WDR3: variants seen among roughly 807,000 people sequenced by gnomAD.
WDR3 encodes the protein WD repeat-containing protein 3.
Under a neutral mutation model 123.7 loss-of-function variants are expected in WDR3, and 81 were observed. The observed-to-expected ratio is 0.65, with a 90% CI of 0.55 to 0.79. The LOEUF is 0.79. Ranked by LOEUF, WDR3 falls within the 30% of genes least tolerant of loss-of-function variation. The pLI, the probability that WDR3 is intolerant of heterozygous loss-of-function variation, is 0.00. For synonymous variants in WDR3, 390 were observed against 388.8 expected (o/e 1.00, Z -0.04); for missense variants, 1,027 against 1,123.2 (o/e 0.91, Z 1.22).
intron 8 of WDR3, among the ~76,000 whole-genome samples, chr1:117,941,467 A>G (rs546956315): frequency 3.9e-5 from 6 of 152,296 alleles, no homozygotes; most frequent in African/African-American, 1.2e-4. Context: ...AATTGCAATT[A>G]CTTTTGTACC....
intron 17 of WDR3, 95 bp from the exon 18 acceptor site, chr1:117,952,202 C>G: frequency 1.4e-6 from 2 of 1,427,986 alleles, no homozygotes; most frequent in East Asian, 2.3e-5. Context: ...AGTCAGACAC[C>G]CTAGAACTAG....
intron 16 of WDR3, among the ~76,000 whole-genome samples, chr1:117,951,487 G>A (rs1007144297): frequency 6.9e-6 from 1 of 144,490 alleles, no homozygotes; most frequent in African/African-American, 2.5e-5. Context: ...ACAAAGTTAA[G>A]TTACAATGTT....
In WDR3 at chr1:117,944,822, C is replaced by T. The variant is rs77143983; in HGVS notation, c.1328+1196C>T. Among the ~76,000 whole-genome samples the T allele has an allele frequency of 5.6e-3, 849 of 152,224 alleles. 6 individuals are homozygous for T. The highest frequency in any genetic ancestry group is 0.033 in the East Asian group (172 of 5,176). On this transcript the variant is annotated intron_variant, in intron 11 of 26. Coordinates refer to ENST00000349139, the MANE Select transcript of WDR3 (RefSeq NM_006784.3). ...GTTCAAGTGGTTTTCCTGTGTCAGC[C>T]TCCCGAGTAGCTGGGATTACAGGCG...
intron 13 of WDR3, 87 bp from the exon 14 acceptor site, chr1:117,949,664 A>G: frequency 7.0e-7 from 1 of 1,429,040 alleles, no homozygotes; most frequent in South Asian, 1.3e-5. Context: ...TTAAATAAAA[A>G]TACTTTCTTA....
At chr1:117,954,148 AGG>A in intron 22 of WDR3, 49 bp downstream of exon 22, 1 of 1,508,122 alleles carries the variant, frequency 6.6e-7, no homozygotes, top group Admixed American at 1.9e-5. Context: ...GGAATTCCCA[AGG>A]AGAAAAACCA....
rs1387311257 is a variant in WDR3 at position 117,964,306 on chromosome 1, T to C, written c.*4859T>C. On this transcript the variant is annotated 3_prime_UTR_variant, in exon 27 of 27. Coordinates refer to ENST00000349139, the MANE Select transcript of WDR3 (RefSeq NM_006784.3). ...ACACTGTAAGTAAGTAGATAAAAGA[T>C]CTGATAAGATTTTTTGCCCTTTATC... 1.3e-5 allele frequency: 2 copies of C among 157,258 alleles called. No individual in the cohort carries two copies. The highest frequency in any genetic ancestry group is 4.9e-5 in the African/African-American group (2 of 41,134). 9.7% of individuals were successfully genotyped at this position (157,258 alleles called of 1,614,324 possible). A position where few individuals can be genotyped will look rare whatever the true frequency, so the allele number is the denominator to read the frequency against.
intron 25 of WDR3, among the ~76,000 whole-genome samples, chr1:117,958,143 A>T (rs2101304897): frequency 6.6e-6 from 1 of 152,356 alleles, no homozygotes; most frequent in East Asian, 1.9e-4. Context: ...AGCCAATGCC[A>T]AATAGTTAAA....
chr1:117,965,775 CT>C lies in WDR3; in HGVS notation c.*6329del, dbSNP rs1653758266. ...AGGGTCAGGAATCTGCAGTGGTTCA[CT>C]GCTGCTTAAATAATAAAATTCAAGC... On this transcript the variant is annotated 3_prime_UTR_variant, in exon 27 of 27. Coordinates refer to ENST00000349139, the MANE Select transcript of WDR3 (RefSeq NM_006784.3). 6.6e-6 allele frequency: 1 copy of C among 152,200 alleles called. No homozygotes were observed. 9.4% of individuals were successfully genotyped at this position (152,200 alleles called of 1,614,324 possible).
In WDR3 at chr1:117,934,601, T is replaced by C; in HGVS notation, c.300T>C (p.Asn100=). 1.2e-6 allele frequency: 2 copies of C among 1,614,174 alleles called. No homozygotes were observed. Among genetic ancestry groups the C allele is most frequent in the South Asian group, 2.2e-5 (2 of 91,086 alleles). Residue 100 remains asparagine, a synonymous_variant, in exon 3 of 27, where the codon AAT becomes AAC. Transcript: ENST00000349139. Reference sequence around the variant, plus strand: ...TCAGTCTCCTGAGTGGGGAAGGAAATGTGACCTTCAATGGTCACAAAGCAG... The same window carrying C: ...TCAGTCTCCTGAGTGGGGAAGGAAACGTGACCTTCAATGGTCACAAAGCAG... The part of the protein sequence containing the change: ...RIFSLLSGEG[N]VTFNGHKAAI...
intron 10 of WDR3, 79 bp downstream of exon 10, chr1:117,942,623 G>A: frequency 2.3e-6 from 3 of 1,290,552 alleles, no homozygotes; most frequent in Non-Finnish European, 3.3e-6. Context: ...CTATTTGTAA[G>A]CTGTCTGTAT....
chr1:117,951,018 C>A, intron 16 of WDR3, 128 bp downstream of exon 16: 1 of 655,120 alleles, frequency 1.5e-6, no homozygotes, highest in Non-Finnish European at 2.5e-6. Flanking sequence ...TATCTTTCTC[C>A]AAAAACAGTC....
intron 1 of WDR3, among the ~76,000 whole-genome samples, chr1:117,931,341 G>A (rs1312697669): frequency 2.0e-5 from 3 of 152,196 alleles, no homozygotes; most frequent in Non-Finnish European, 4.4e-5. Flanking sequence ...ATTGCATAAT[G>A]TTATCAGTTA....
chr1:117,944,181 A>C (rs1189820619), intron 11 of WDR3, among the ~76,000 whole-genome samples: 1 of 152,218 alleles, frequency 6.6e-6, no homozygotes, highest in African/African-American at 2.4e-5. Flanking sequence ...TCACCAAAAC[A>C]GTCATTGTCA....
chr1:117,959,297 T>C lies in WDR3; in HGVS notation c.2682T>C (p.Val894=), dbSNP rs1203598899. Residue 894 remains valine, a synonymous_variant, in exon 27 of 27, where the codon GTT becomes GTC. Coordinates refer to ENST00000349139, the MANE Select transcript of WDR3 (RefSeq NM_006784.3). ...TTTCTTGTATTGCACTCCAGGATGTTATCGGCTTCAATATGGCTGGTCTTG... is the reference window on the plus strand; with the variant it reads ...TTTCTTGTATTGCACTCCAGGATGTCATCGGCTTCAATATGGCTGGTCTTG... ...TISKVSQVRD[V]IGFNMAGLDY... 8 of 1,610,900 alleles carry C rather than the reference T, an allele frequency of 5.0e-6. No individual in the cohort carries two copies. The African/African-American group carries it at 6.7e-5, about 13-fold the overall frequency.
intron 23 of WDR3, 144 bp downstream of exon 23, chr1:117,954,771 C>T: frequency 4.4e-6 from 4 of 909,318 alleles, no homozygotes; most frequent in Non-Finnish European, 6.5e-6. Context: ...TTGGCATTCT[C>T]TAGGATATTT....
At chr1:117,953,927 C>A in intron 21 of WDR3, 80 bp from the exon 22 acceptor site, 1 of 1,208,968 alleles carries the variant, frequency 8.3e-7, no homozygotes. Flanking sequence ...TGGCAAATTT[C>A]TGGTCAGTTC....
chr1:117,954,677 C>A, intron 23 of WDR3, 50 bp downstream of exon 23: 5 of 1,566,628 alleles, frequency 3.2e-6, no homozygotes, highest in Non-Finnish European at 4.4e-6. Context: ...AGGTTACTTA[C>A]AAGGACAAGA....
At position 117,949,852 on chromosome 1, in the gene WDR3, T is replaced by G. The variant is rs750461448; in HGVS notation, c.1610+16T>G. 1.2e-6 allele frequency: 2 copies of G among 1,613,320 alleles called. No homozygotes were observed. The highest frequency in any genetic ancestry group is 1.7e-5 in the Admixed American group (1 of 59,888). On this transcript the variant is annotated intron_variant, in intron 14 of 26. Coordinates refer to ENST00000349139, the MANE Select transcript of WDR3 (RefSeq NM_006784.3). Reference sequence around the variant, plus strand: ...CCCAAAAGAGGTGAGTAGACATTTTTTGTGTCCATTTTTTGGAGTGAAAAT... The same window carrying G: ...CCCAAAAGAGGTGAGTAGACATTTTGTGTGTCCATTTTTTGGAGTGAAAAT...
rs754272455 is a variant in WDR3 at position 117,963,986 on chromosome 1, A to G, written c.*4539A>G. The G allele has an allele frequency of 1.3e-5, 21 of 1,573,194 alleles. No homozygotes were observed. The East Asian group carries it at 2.0e-4, about 15-fold the overall frequency. ...TGCTTTTCATGACTAAATTATTTGC[A>G]TATATAAACCTAAATAACATTTTAG... is the stretch of plus-strand genomic sequence containing the variant. On this transcript the variant is annotated 3_prime_UTR_variant, in exon 27 of 27. Transcript: ENST00000349139.
Sources: gnomAD v4.1 joint callset for allele counts (sites outside exome capture counted in the v4.1 genomes callset) on GRCh38, gnomAD v4.1.1 for gene constraint, MANE v1.5 for transcripts, NCBI Gene and HGNC (gene_info 2026-07-23, HGNC 2026-07-21) for gene names.